The following NALCN variants were observed in gnomAD, a reference collection of about 807,000 sequenced individuals.
NALCN encodes the protein sodium leak channel, non-selective.
In NALCN, 111 loss-of-function variants were observed where a neutral mutation model predicts 225.3. The observed-to-expected ratio is 0.49, with a 90% confidence interval of 0.42 to 0.58. The LOEUF (loss-of-function observed/expected upper bound fraction) is 0.58. Ranked by LOEUF, NALCN falls within the 20% of genes least tolerant of loss-of-function variation. The probability of loss-of-function intolerance (pLI) is 0.00; values close to 1 mark genes in which losing one functional copy is unlikely to be tolerated. For missense variants in NALCN, 1,378 were observed against 2,202.4 expected (o/e 0.63, Z 7.49); for synonymous variants, 764 against 769.0 (o/e 0.99, Z 0.11).
At chr13:101,128,585 G>A (rs545302788) in intron 17 of NALCN, among the ~76,000 whole-genome samples, 247 of 150,566 alleles carry the variant, frequency 1.6e-3, no homozygotes, top group African/African-American at 5.3e-3. Context: ...ACAGGGTTTC[G>A]TTCTGTCACC....
chr13:101,288,311 A>G (rs2043417091), intron 9 of NALCN, among the ~76,000 whole-genome samples: 1 of 152,216 alleles, frequency 6.6e-6, no homozygotes, highest in African/African-American at 2.4e-5. Flanking sequence ...TTCATGAGGA[A>G]ATAAATGGTC....
intron 10 of NALCN, among the ~76,000 whole-genome samples, chr13:101,263,817 C>A (rs2042509878): frequency 6.6e-6 from 1 of 152,136 alleles, no homozygotes; most frequent in Non-Finnish European, 1.5e-5. Flanking sequence ...ATGTGCAGTA[C>A]CTACATTTAA....
chr13:101,067,400 CAAG>C (rs1449056962), intron 39 of NALCN, among the ~76,000 whole-genome samples: 1 of 151,794 alleles, frequency 6.6e-6, no homozygotes, highest in African/African-American at 2.4e-5. Flanking sequence ...ACGACAATGA[CAAG>C]AAGAGGAAGA....
intron 7 of NALCN, among the ~76,000 whole-genome samples, chr13:101,308,916 GA>G (rs77245752): frequency 0.079 from 11,972 of 152,058 alleles, 584 homozygotes; most frequent in East Asian, 0.12. Context: ...CACTTAGCCC[GA>G]AGAATGAACT....
intron 20 of NALCN, among the ~76,000 whole-genome samples, chr13:101,109,981 A>G (rs1417286858): frequency 6.6e-6 from 1 of 152,226 alleles, no homozygotes; most frequent in African/African-American, 2.4e-5. Flanking sequence ...TTATATTTTT[A>G]TGAACTTATT....
chr13:101,207,250 C>T (rs546295358), intron 13 of NALCN, among the ~76,000 whole-genome samples: 1 of 152,306 alleles, frequency 6.6e-6, no homozygotes, highest in South Asian at 2.1e-4. Context: ...TGCTTCCTTG[C>T]CAGCAGTGTG....
chr13:101,288,263 TAATTG>T (rs1594608975), intron 9 of NALCN, among the ~76,000 whole-genome samples: 1 of 152,324 alleles, frequency 6.6e-6, no homozygotes, highest in East Asian at 1.9e-4. Context: ...TGAAATGCAT[TAATTG>T]AATTGTTTTC....
At chr13:101,229,007 T>G (rs977169716) in intron 13 of NALCN, among the ~76,000 whole-genome samples, 2 of 152,300 alleles carry the variant, frequency 1.3e-5, no homozygotes, top group South Asian at 4.1e-4. Context: ...TCCTTCTAGA[T>G]TCTGACTAAC....
intron 7 of NALCN, among the ~76,000 whole-genome samples, chr13:101,321,682 C>A (rs1030893898): frequency 6.6e-6 from 1 of 151,990 alleles, no homozygotes; most frequent in Non-Finnish European, 1.5e-5. Context: ...AAATAAAATA[C>A]GTGATAGTCA....
chr13:101,178,199 C>G lies in NALCN; in HGVS notation c.1765-1825G>C, dbSNP rs562507812. Among the ~76,000 whole-genome samples, 228 of 152,226 alleles carry G rather than the reference C, an allele frequency of 1.5e-3. 1 individual carries two copies. The highest frequency in any genetic ancestry group is 5.2e-3 in the African/African-American group (217 of 41,538). On this transcript the variant is annotated intron_variant, in intron 14 of 43. Transcript: ENST00000251127. Reference sequence around the variant, plus strand: ...ACCTTCCCCTGTCTTGATTTCTCACCCCGAATTCTGAGATGTTCACCTGCT... The same window carrying G: ...ACCTTCCCCTGTCTTGATTTCTCACGCCGAATTCTGAGATGTTCACCTGCT...
intron 1 of NALCN, among the ~76,000 whole-genome samples, chr13:101,409,507 T>G (rs2047718405): frequency 6.6e-6 from 1 of 152,144 alleles, no homozygotes; most frequent in Admixed American, 6.5e-5. Flanking sequence ...TGAGTATATA[T>G]CCTACTCTAT....
At chr13:101,181,420 G>T (rs897245250) in intron 14 of NALCN, 2 of 477,330 alleles carry the variant, frequency 4.2e-6, no homozygotes, top group Admixed American at 2.2e-5. Context: ...TTGTGTGTGT[G>T]TTTTTGTTTT....
At chr13:101,102,572 C>T (rs2034881486) in intron 26 of NALCN, among the ~76,000 whole-genome samples, 1 of 152,122 alleles carries the variant, frequency 6.6e-6, no homozygotes, top group African/African-American at 2.4e-5. Context: ...TATCTCTGAC[C>T]TTGTTTTCAG....
At chr13:101,160,702 GC>G (rs2139865689) in intron 15 of NALCN, among the ~76,000 whole-genome samples, 1 of 151,804 alleles carries the variant, frequency 6.6e-6, no homozygotes, top group African/African-American at 2.4e-5. Context: ...CTTATAAATT[GC>G]CTTATGGTAC....
At chr13:101,185,737 T>C (rs1318191) in intron 14 of NALCN, among the ~76,000 whole-genome samples, 38,958 of 152,162 alleles carry the variant, frequency 0.26, 5,877 homozygotes, top group Non-Finnish European at 0.34. Flanking sequence ...CTGCTGTTCT[T>C]TATTCCAGAA....
intron 41 of NALCN, among the ~76,000 whole-genome samples, chr13:101,060,449 ATTTTTTT>A (rs55697849): frequency 1.1e-5 from 1 of 93,718 alleles, no homozygotes. Context: ...TGGCTAATTA[ATTTTTTT>A]TTTTTTTTTT....
intron 26 of NALCN, 78 bp from the exon 27 acceptor site, chr13:101,100,966 G>A: frequency 9.1e-7 from 1 of 1,094,436 alleles, no homozygotes; most frequent in Non-Finnish European, 1.3e-6. Flanking sequence ...GACATAAATA[G>A]GACTTCTAAG....
chr13:101,176,158 T>G (rs1487935282), intron 15 of NALCN, 142 bp downstream of exon 15: 7 of 456,934 alleles, frequency 1.5e-5, no homozygotes, highest in Non-Finnish European at 2.6e-5. Context: ...AAAGTTAAAC[T>G]TAACACCATT....
chr13:101,300,136 T>G (rs1318234843), intron 7 of NALCN, among the ~76,000 whole-genome samples: 1 of 152,122 alleles, frequency 6.6e-6, no homozygotes, highest in Non-Finnish European at 1.5e-5. Context: ...TAAGATCATG[T>G]GGATCAGCAG....
Sources: gnomAD v4.1 joint callset for allele counts (sites outside exome capture counted in the v4.1 genomes callset) on GRCh38, gnomAD v4.1.1 for gene constraint, MANE v1.5 for transcripts, NCBI Gene and HGNC (gene_info 2026-07-23, HGNC 2026-07-21) for gene names.